Variants in COBL observed in about 807,000 individuals in gnomAD.
COBL encodes cordon-bleu WH2 repeat protein, also known as protein cordon-bleu.
In COBL, 51 loss-of-function variants were observed where a neutral mutation model predicts 98.8. The ratio of observed to expected loss-of-function variants is 0.52; its 90% CI spans 0.41 to 0.65. COBL has a LOEUF of 0.65. Among genes scored for constraint, COBL ranks in the 30% least tolerant of loss-of-function variants. COBL has a pLI of 0.00. For synonymous variants in COBL, 634 were observed against 651.7 expected (o/e 0.97, Z 0.41); for missense variants, 1,617 against 1,617.5 (o/e 1.00, Z 0.01).
chr7:51,029,643 A>G lies in COBL; in HGVS notation c.1505-52T>C, dbSNP rs549892880. The G allele has an allele frequency of 3.1e-5, 44 of 1,412,874 alleles. No individual in the cohort carries two copies. In the Admixed American group the frequency reaches 8.6e-4, roughly 28 times the overall value. The allele number at this position is 1,412,874 out of a possible 1,614,324, so 87.5% of individuals were successfully genotyped here. A position where few individuals can be genotyped will look rare whatever the true frequency, so the allele number is the denominator to read the frequency against. The stretch of plus-strand genomic sequence containing the variant: ...CAGATGTTTCCCACACCAATTACTT[A>G]GTGTAACTGCAGCCATGACTTTGAT... On this transcript the variant is annotated intron_variant, in intron 9 of 12. Coordinates refer to ENST00000265136, the MANE Select transcript of COBL (RefSeq NM_015198.5).
At chr7:51,249,479 C>T (rs1252844830) in intron 1 of COBL, among the ~76,000 whole-genome samples, 1 of 152,142 alleles carries the variant, frequency 6.6e-6, no homozygotes, top group Non-Finnish European at 1.5e-5. Flanking sequence ...TTCCTAAATC[C>T]TTCAAAGATA....
At chr7:51,301,842 A>G (rs1474265626) in intron 1 of COBL, among the ~76,000 whole-genome samples, 1 of 151,824 alleles carries the variant, frequency 6.6e-6, no homozygotes, top group East Asian at 1.9e-4. Flanking sequence ...GCATTCCTCC[A>G]TCCTTGGGCT....
chr7:51,160,651 G>A (rs1376766913), intron 5 of COBL, among the ~76,000 whole-genome samples: 3 of 152,100 alleles, frequency 2.0e-5, no homozygotes, highest in Admixed American at 6.5e-5. Context: ...CGGTACACAC[G>A]GGAAGACAAG....
At chr7:51,094,052 AAAG>A (rs1458012185) in intron 6 of COBL, among the ~76,000 whole-genome samples, 2 of 151,808 alleles carry the variant, frequency 1.3e-5, no homozygotes, top group East Asian at 3.9e-4. Context: ...CAGCCTTTAA[AAAG>A]AAGAAAATTC....
At chr7:51,056,398 TG>T (rs1388807110) in intron 7 of COBL, among the ~76,000 whole-genome samples, 2 of 151,882 alleles carry the variant, frequency 1.3e-5, no homozygotes, top group Non-Finnish European at 2.9e-5. Context: ...GAGAGGTGCC[TG>T]TATCGTCACC....
At chr7:51,042,751 A>G (rs1789326464) in intron 8 of COBL, among the ~76,000 whole-genome samples, 1 of 152,218 alleles carries the variant, frequency 6.6e-6, no homozygotes, top group African/African-American at 2.4e-5. Context: ...ATATGACAAG[A>G]TGCTCATCCT....
intron 5 of COBL, among the ~76,000 whole-genome samples, chr7:51,145,397 C>T (rs550327325): frequency 1.8e-3 from 263 of 144,514 alleles, no homozygotes; most frequent in Middle Eastern, 7.2e-3. Context: ...CTTTTTTTTC[C>T]GAGATGGAGT....
At chr7:51,208,454 C>A (rs549148374) in intron 2 of COBL, among the ~76,000 whole-genome samples, 2 of 148,886 alleles carry the variant, frequency 1.3e-5, no homozygotes, top group South Asian at 4.3e-4. Flanking sequence ...GTCAGCCCCC[C>A]GCCCGGCCAG....
At chr7:51,268,337 G>C (rs1204332555) in intron 1 of COBL, among the ~76,000 whole-genome samples, 49 of 152,260 alleles carry the variant, frequency 3.2e-4, no homozygotes, top group Admixed American at 3.2e-3. Context: ...CTCCACTGTG[G>C]GAAAAATCAC....
At position 51,085,354 on chromosome 7, in the gene COBL, A is replaced by T. The variant is rs1794124637; in HGVS notation, c.958-50T>A. The T allele has an allele frequency of 1.0e-5, 5 of 481,374 alleles. No individual in the cohort carries two copies. In the South Asian group the frequency reaches 2.2e-4, roughly 21 times the overall value. The allele number at this position is 481,374 out of a possible 1,614,324, so 29.8% of individuals were successfully genotyped here. A position where few individuals can be genotyped will look rare whatever the true frequency, so the allele number is the denominator to read the frequency against. ...ACAATCAAAGTACTTTGTACCTATGAAGTACAAAGAAGGCAGTATTAGGGT... is the reference window on the plus strand; with the variant it reads ...ACAATCAAAGTACTTTGTACCTATGTAGTACAAAGAAGGCAGTATTAGGGT... On this transcript the variant is annotated intron_variant, in intron 6 of 12. Transcript: ENST00000265136.
chr7:51,282,422 T>C (rs1214012645), intron 1 of COBL, among the ~76,000 whole-genome samples: 2 of 152,070 alleles, frequency 1.3e-5, no homozygotes, highest in Non-Finnish European at 2.9e-5. Flanking sequence ...CTGGGATGGT[T>C]ATATTAATAT....
rs1398179973 is a variant in COBL, at chr7:51,025,311, C to T, written c.3566G>A (p.Gly1189Asp). The T allele has an allele frequency of 6.2e-7, 1 of 1,612,756 alleles. No individual in the cohort carries two copies. Among genetic ancestry groups the T allele is most frequent in the Admixed American group, 1.7e-5 (1 of 59,994 alleles). The change falls in exon 12 of 13, where the codon GGC becomes GAC. Residue 1189 changes from glycine to aspartate, a missense_variant. Physicochemically the swap from Gly to Asp is moderately conservative, Grantham distance 94 (BLOSUM62 -1). Coordinates refer to ENST00000265136, the MANE Select transcript of COBL (RefSeq NM_015198.5). ...SFRDAALSAQGSESPLLEDLG... is the reference protein window; with the variant it reads ...SFRDAALSAQDSESPLLEDLG... ...GTCTTCTAGCAGAGGACTTTCCGAG[C>T]CCTGAGCAGAGAGTGCGGCATCTCG...
intron 6 of COBL, among the ~76,000 whole-genome samples, chr7:51,110,911 G>C (rs1467984790): frequency 2.0e-5 from 3 of 152,156 alleles, no homozygotes; most frequent in Admixed American, 2.0e-4. Context: ...TATGTATATA[G>C]CACAGTTTCT....
chr7:51,207,703 A>T (rs1791892963), intron 2 of COBL, among the ~76,000 whole-genome samples: 1 of 152,250 alleles, frequency 6.6e-6, no homozygotes, highest in South Asian at 2.1e-4. Context: ...AGGTGCCGGG[A>T]TTGCAGACGG....
intron 5 of COBL, among the ~76,000 whole-genome samples, chr7:51,168,524 C>T (rs918022302): frequency 1.3e-5 from 2 of 152,178 alleles, no homozygotes; most frequent in East Asian, 1.9e-4. Flanking sequence ...AGATGGTCAA[C>T]ATCAATGATC....
At chr7:51,126,352 A>G (rs1476367190) in intron 6 of COBL, among the ~76,000 whole-genome samples, 2 of 152,028 alleles carry the variant, frequency 1.3e-5, no homozygotes, top group East Asian at 1.9e-4. Flanking sequence ...TCAGAGACCT[A>G]CTCACTGAAG....
At chr7:51,070,196 CAAAT>C (rs1191936703) in intron 7 of COBL, among the ~76,000 whole-genome samples, 2 of 152,060 alleles carry the variant, frequency 1.3e-5, no homozygotes, top group Non-Finnish European at 2.9e-5. Context: ...CTATTGGTGA[CAAAT>C]AAAGCAAAGA....
chr7:51,109,543 T>C (rs1361055604), intron 6 of COBL, among the ~76,000 whole-genome samples: 2 of 152,158 alleles, frequency 1.3e-5, no homozygotes, highest in Non-Finnish European at 2.9e-5. Flanking sequence ...TACCCCTGCT[T>C]TTATTCAGGC....
At chr7:51,078,894 G>A (rs78202781) in intron 7 of COBL, among the ~76,000 whole-genome samples, 9,861 of 152,310 alleles carry the variant, frequency 0.065, 518 homozygotes, top group East Asian at 0.32. Context: ...GTGGGTCTCC[G>A]TAGAGCAGCT....
Sources: allele counts gnomAD v4.1 joint callset (sites outside exome capture counted in the v4.1 genomes callset), GRCh38; gene constraint gnomAD v4.1.1; transcripts MANE v1.5; gene names NCBI Gene and HGNC (gene_info 2026-07-23, HGNC 2026-07-21).